The following ZSCAN1 variants were observed in gnomAD, a reference collection of about 807,000 sequenced individuals.
ZSCAN1 encodes the protein zinc finger and SCAN domain-containing protein 1.
Under a neutral mutation model 23.8 loss-of-function variants are expected in ZSCAN1, and 23 were observed. The observed-to-expected ratio is 0.97, with a 90% CI of 0.70 to 1.37. ZSCAN1 has a LOEUF of 1.37. ZSCAN1 is among the 40% of genes most tolerant of loss of function. The pLI is 0.00. For synonymous variants in ZSCAN1, 236 were observed against 232.3 expected (o/e 1.02, Z -0.15); for missense variants, 575 against 554.0 (o/e 1.04, Z -0.38).
chr19:58,052,823 C>G (rs1014667512), intron 5 of ZSCAN1, among the ~76,000 whole-genome samples, 195 bp downstream of exon 5: 2 of 152,174 alleles, frequency 1.3e-5, no homozygotes, highest in African/African-American at 4.8e-5. Context: ...GTTCACCCTA[C>G]GAGAAGGGCC....
At chr19:58,038,282 CCGCCCACATCG>C in intron 3 of ZSCAN1, 76 bp downstream of exon 3, 1 of 1,525,240 alleles carries the variant, frequency 6.6e-7, no homozygotes, top group South Asian at 1.2e-5. Flanking sequence ...GCCCTCCTTC[CCGCCCACATCG>C]CTCCCACCCC....
In ZSCAN1 at chr19:58,053,721, G is replaced by A. The variant is rs1339805735; in HGVS notation, c.897G>A (p.Met299Ile). Reference protein sequence around the residue: ...GRPFQCADCGMVFTWVTHFIE... With the variant: ...GRPFQCADCGIVFTWVTHFIE... ...CCTTCCAGTGTGCCGACTGTGGGAT[G>A]GTCTTCACCTGGGTCACCCACTTCA... The change falls in exon 6 of 6, where the codon ATG becomes ATA. Residue 299 changes from methionine (M) to isoleucine (I), a missense_variant. Coordinates refer to ENST00000282326, the MANE Select transcript of ZSCAN1 (RefSeq NM_182572.4). The surrounding 1 kb of genome is among the most constrained non-coding windows in gnomAD (Gnocchi z 5.8). 6.2e-7 allele frequency: 1 copy of A among 1,614,110 alleles called. No individual in the cohort carries two copies. The highest frequency in any genetic ancestry group is 8.5e-7 in the Non-Finnish European group (1 of 1,180,016).
intron 4 of ZSCAN1, chr19:58,044,844 GC>G (rs2073814312): frequency 2.6e-6 from 2 of 762,070 alleles, no homozygotes; most frequent in Admixed American, 3.9e-5. Flanking sequence ...TGTCGAGAGC[GC>G]CATGGACCTC....
At chr19:58,051,979 TAGG>T (rs2073860746) in intron 4 of ZSCAN1, among the ~76,000 whole-genome samples, 1 of 152,214 alleles carries the variant, frequency 6.6e-6, no homozygotes, top group Admixed American at 6.5e-5. Context: ...TCAGAGGTCA[TAGG>T]TCGCAGGTGG....
At position 58,045,613 on chromosome 19, in the gene ZSCAN1, A is replaced by T; in HGVS notation, c.465+5069A>T. 1.0e-6 allele frequency: 1 copy of T among 987,416 alleles called. No homozygotes were observed. Among genetic ancestry groups the T allele is most frequent in the South Asian group, 1.3e-5 (1 of 78,622 alleles). 61.2% of individuals were successfully genotyped at this position (987,416 alleles called of 1,614,324 possible). On this transcript the variant is annotated intron_variant, in intron 4 of 5. Coordinates refer to ENST00000282326, the MANE Select transcript of ZSCAN1 (RefSeq NM_182572.4). This position sits in a 1 kb window ranked among gnomAD's most constrained non-coding sequence, Gnocchi z 4.3. ...CAGCTTCCTGCGCTTCCAGCTCACG[A>T]TGCGGCTGCGCTCCATAAAGGCAGA...
At chr19:58,035,815 C>T (rs1427254307) in intron 1 of ZSCAN1, among the ~76,000 whole-genome samples, 155 bp from the exon 2 acceptor site, 1 of 152,060 alleles carries the variant, frequency 6.6e-6, no homozygotes, top group Non-Finnish European at 1.5e-5. Context: ...ACCAGATGCA[C>T]GAGAACTGCA....
In ZSCAN1 at chr19:58,054,416, T is replaced by G; in HGVS notation, c.*365T>G. The G allele has an allele frequency of 5.2e-6, 1 of 191,342 alleles. No homozygotes were observed. 11.9% of individuals were successfully genotyped at this position (191,342 alleles called of 1,614,324 possible). A position where few individuals can be genotyped will look rare whatever the true frequency, so the allele number is the denominator to read the frequency against. On this transcript the variant is annotated 3_prime_UTR_variant, in exon 6 of 6. Transcript: ENST00000282326. This position sits in a 1 kb window ranked among gnomAD's most constrained non-coding sequence, Gnocchi z 4.2. ...GCAGCTTCTGCCGCTGGGTTTTCATTTCACTGTGGATATCCCTGAGGCCAT... is the reference window on the plus strand; with the variant it reads ...GCAGCTTCTGCCGCTGGGTTTTCATGTCACTGTGGATATCCCTGAGGCCAT...
At chr19:58,035,749 T>C (rs375577412) in intron 1 of ZSCAN1, among the ~76,000 whole-genome samples, 3 of 152,148 alleles carry the variant, frequency 2.0e-5, no homozygotes, top group Non-Finnish European at 4.4e-5. Flanking sequence ...CTGGGCACAG[T>C]CCCCGTGAGT....
At position 58,044,220 on chromosome 19, in the gene ZSCAN1, C is replaced by T. The variant is rs992339442; in HGVS notation, c.465+3676C>T. 5.9e-5 allele frequency among the ~76,000 whole-genome samples: 9 copies of T among 151,810 alleles called. No individual in the cohort carries two copies. In the East Asian group the frequency reaches 1.8e-3, roughly 30 times the overall value. On this transcript the variant is annotated intron_variant, in intron 4 of 5. Coordinates refer to ENST00000282326, the MANE Select transcript of ZSCAN1 (RefSeq NM_182572.4). Reference sequence around the variant, plus strand: ...CCAGGAGGCGGAGGCTGCAGTGAGCCGAGATCACGCCATTGCACTCCAGCC... The same window carrying T: ...CCAGGAGGCGGAGGCTGCAGTGAGCTGAGATCACGCCATTGCACTCCAGCC...
chr19:58,050,160 C>A (rs1467479908), intron 4 of ZSCAN1, among the ~76,000 whole-genome samples: 1 of 151,710 alleles, frequency 6.6e-6, no homozygotes, highest in Non-Finnish European at 1.5e-5. Flanking sequence ...CCTGGCCGGA[C>A]ACGGTGGTTC....
chr19:58,052,487 T>A lies in ZSCAN1; in HGVS notation c.466-3T>A. ...CCGAACAGTCCTGTGCTTGCCATTC[T>A]AGGCGTCTGAGCTGATTCTGGATGC... On this transcript the variant is annotated splice_region_variant and splice_polypyrimidine_tract_variant and intron_variant, in intron 4 of 5. Transcript: ENST00000282326. The A allele has an allele frequency of 6.2e-7, 1 of 1,614,108 alleles. No individual in the cohort carries two copies. Among genetic ancestry groups the A allele is most frequent in the Non-Finnish European group, 8.5e-7 (1 of 1,179,996 alleles).
chr19:58,036,456 A>G (rs1343809784), intron 2 of ZSCAN1, among the ~76,000 whole-genome samples: 1 of 150,930 alleles, frequency 6.6e-6, no homozygotes, highest in East Asian at 1.9e-4. Context: ...TTCTTCAGTT[A>G]TATGTTCACC....
intron 4 of ZSCAN1, chr19:58,044,841 A>C (rs113344658): frequency 1.2e-5 from 9 of 760,760 alleles, no homozygotes; most frequent in Middle Eastern, 6.1e-4. Context: ...CCGTGTCGAG[A>C]GCGCCATGGA....
At chr19:58,052,932 G>C (rs1217933346) in intron 5 of ZSCAN1, among the ~76,000 whole-genome samples, 2 of 151,126 alleles carry the variant, frequency 1.3e-5, no homozygotes, top group Non-Finnish European at 2.9e-5. Context: ...AAGGGCCAGT[G>C]CTGTGGGATC....
intron 3 of ZSCAN1, 134 bp downstream of exon 3, chr19:58,038,340 C>T (rs1460123783): frequency 8.6e-7 from 1 of 1,166,016 alleles, no homozygotes; most frequent in Non-Finnish European, 1.2e-6. Flanking sequence ...CTCTCCTGCC[C>T]CGCGGCTGTG....
rs1343790268 is a variant in ZSCAN1, at chr19:58,047,701, C to G, written c.466-4789C>G. Among the ~76,000 whole-genome samples the G allele has an allele frequency of 2.0e-5, 3 of 152,230 alleles. No homozygotes were observed. Among genetic ancestry groups the G allele is most frequent in the African/African-American group, 4.8e-5 (2 of 41,466 alleles). ...CCCACAGCAGCATACCCTTCTCACC[C>G]CTTGTGGTGTTGCAGGCTCAGGCCC... is the stretch of plus-strand genomic sequence containing the variant. On this transcript the variant is annotated intron_variant, in intron 4 of 5. Transcript: ENST00000282326. The surrounding 1 kb of genome is among the most constrained non-coding windows in gnomAD (Gnocchi z 4.9).
At chr19:58,036,063 C>G (rs1173378330) in intron 2 of ZSCAN1, 52 bp downstream of exon 2, 1 of 152,272 alleles carries the variant, frequency 6.6e-6, no homozygotes, top group Non-Finnish European at 1.5e-5. Flanking sequence ...CTTCCCAGGA[C>G]TCCCTTTCTA....
rs1010607101 is a variant in ZSCAN1, at chr19:58,047,438, G to A, written c.466-5052G>A. Among the ~76,000 whole-genome samples the A allele has an allele frequency of 3.3e-5, 5 of 152,124 alleles. No homozygotes were observed. The highest frequency in any genetic ancestry group is 3.2e-3 in the Middle Eastern group (1 of 316). On this transcript the variant is annotated intron_variant, in intron 4 of 5. Coordinates refer to ENST00000282326, the MANE Select transcript of ZSCAN1 (RefSeq NM_182572.4). This position sits in a 1 kb window ranked among gnomAD's most constrained non-coding sequence, Gnocchi z 4.9. The stretch of plus-strand genomic sequence containing the variant: ...TTTTCCCCCAATTCTTTAAGCAGTC[G>A]ATTGGCACAGAGTTTTCCCACGCTG...
intron 4 of ZSCAN1, among the ~76,000 whole-genome samples, chr19:58,043,735 A>G (rs2073805546): frequency 6.6e-6 from 1 of 151,844 alleles, no homozygotes; most frequent in African/African-American, 2.4e-5. Flanking sequence ...CCGCAACCTC[A>G]ACCTTCTGGG....
Sources: gnomAD v4.1 joint callset for allele counts (sites outside exome capture counted in the v4.1 genomes callset) on GRCh38, gnomAD v4.1.1 for gene constraint, Gnocchi (gnomAD v3.1) non-coding constraint, MANE v1.5 for transcripts, NCBI Gene and HGNC (gene_info 2026-07-23, HGNC 2026-07-21) for gene names.